Variants in NCKAP5 observed in about 807,000 individuals in gnomAD.
The protein encoded by NCKAP5 is NCK associated protein 5.
A neutral mutation model predicts 167.0 loss-of-function variants in NCKAP5; 92 were observed. That is an observed-to-expected ratio of 0.55 (90% confidence interval 0.47 to 0.66). The LOEUF (loss-of-function observed/expected upper bound fraction) is 0.66. Ranked by LOEUF, NCKAP5 falls within the 30% of genes least tolerant of loss-of-function variation. The pLI, the probability that NCKAP5 is intolerant of heterozygous loss-of-function variation, is 0.00. For missense variants in NCKAP5, 2,378 were observed against 2,315.0 expected, an observed-to-expected ratio of 1.03 and a Z score of -0.56; for synonymous variants, 891 against 877.4, an observed-to-expected ratio of 1.02 and a Z score of -0.27.
chr2:133,511,882 T>C (rs966304293), intron 3 of NCKAP5, among the ~76,000 whole-genome samples: 1 of 152,192 alleles, frequency 6.6e-6, no homozygotes, highest in African/African-American at 2.4e-5. Flanking sequence ...AGGTTCCCAG[T>C]GGCCAGGGGC....
chr2:133,256,544 A>G (rs1012891181), intron 4 of NCKAP5, among the ~76,000 whole-genome samples: 3 of 152,222 alleles, frequency 2.0e-5, no homozygotes, highest in Admixed American at 1.3e-4. Context: ...ACATATTAAA[A>G]AGCAAGGTCA....
At chr2:133,657,540 G>A in the NCKAP5 span, among the ~76,000 whole-genome samples, 1 of 152,094 alleles carries the variant, frequency 6.6e-6, no homozygotes, top group Non-Finnish European at 1.5e-5. Flanking sequence ...GACTAATGGT[G>A]GACATCTACT....
chr2:133,060,798 G>A (rs558968129), intron 6 of NCKAP5, among the ~76,000 whole-genome samples: 4 of 152,254 alleles, frequency 2.6e-5, no homozygotes, highest in African/African-American at 9.6e-5. Context: ...GATTTATGAG[G>A]AGGCAGCATA....
In NCKAP5 at chr2:133,028,983, T is replaced by C. The variant is rs962610681; in HGVS notation, c.342-34744A>G. On this transcript the variant is annotated intron_variant, in intron 6 of 19. Coordinates refer to ENST00000409261, the MANE Select transcript of NCKAP5 (RefSeq NM_207363.3). ...CCTGCTCCCCCTTTGCCTTCCGCCA[T>C]GATTGGAAGCTTCCTGAGGCCTCCC... Among the ~76,000 whole-genome samples the C allele has an allele frequency of 2.6e-5, 4 of 152,326 alleles. 1 individual carries two copies. The South Asian group carries it at 8.3e-4, about 32-fold the overall frequency.
At chr2:133,626,962 G>C in the NCKAP5 span, among the ~76,000 whole-genome samples, 4 of 151,868 alleles carry the variant, frequency 2.6e-5, no homozygotes, top group South Asian at 4.2e-4. Context: ...GAACAAAATA[G>C]TTAAATGTTT....
intron 3 of NCKAP5, among the ~76,000 whole-genome samples, chr2:133,474,818 T>C (rs1679738163): frequency 6.6e-6 from 1 of 152,004 alleles, no homozygotes; most frequent in Non-Finnish European, 1.5e-5. Context: ...TTTGTTGTTG[T>C]TGTTGTTTTT....
chr2:133,502,814 A>G (rs1682646150), intron 3 of NCKAP5, among the ~76,000 whole-genome samples: 1 of 152,244 alleles, frequency 6.6e-6, no homozygotes. Context: ...GAGGCGTTCA[A>G]TGAACGTGTG....
rs140184568 is a variant in NCKAP5 at position 133,138,736 on chromosome 2, G to T, written c.208-8625C>A. Among the ~76,000 whole-genome samples the T allele has an allele frequency of 2.0e-5, 3 of 152,286 alleles. No individual in the cohort carries two copies. In the East Asian group the frequency reaches 5.8e-4, roughly 29 times the overall value. ...ATATAAGTTGGATTCTCTCATACCA[G>T]AAGAAGGGCTCAGTCATCCTTGGCA... On this transcript the variant is annotated intron_variant, in intron 5 of 19. Transcript: ENST00000409261.
chr2:133,033,554 C>T (rs534337839), intron 6 of NCKAP5, among the ~76,000 whole-genome samples: 20 of 152,042 alleles, frequency 1.3e-4, no homozygotes, highest in East Asian at 1.9e-4. Flanking sequence ...CAGAGAGATG[C>T]GATCTTTCAG....
intron 7 of NCKAP5, among the ~76,000 whole-genome samples, chr2:132,979,995 T>C (rs943598687): frequency 5.6e-4 from 81 of 145,822 alleles, no homozygotes; most frequent in African/African-American, 2.0e-3. Flanking sequence ...TTTTTCTTTT[T>C]CTTTTTTTTT....
intron 6 of NCKAP5, among the ~76,000 whole-genome samples, chr2:133,111,459 G>A (rs757973572): frequency 6.6e-6 from 1 of 152,146 alleles, no homozygotes; most frequent in Non-Finnish European, 1.5e-5. Context: ...CACATCATTT[G>A]GGGTGAATGA....
intron 16 of NCKAP5, among the ~76,000 whole-genome samples, chr2:132,757,260 G>C (rs377394575): frequency 2.0e-5 from 3 of 152,098 alleles, no homozygotes; most frequent in Non-Finnish European, 4.4e-5. Flanking sequence ...ACATTCTATC[G>C]ATGGGCTGAT....
intron 6 of NCKAP5, among the ~76,000 whole-genome samples, chr2:133,032,838 AG>A (rs1455803525): frequency 3.3e-5 from 5 of 152,154 alleles, no homozygotes; most frequent in Non-Finnish European, 7.4e-5. Flanking sequence ...AGAAAGGCAA[AG>A]GGGAAGCAAG....
At chr2:133,586,171 A>C in the NCKAP5 span, among the ~76,000 whole-genome samples, 3 of 152,228 alleles carry the variant, frequency 2.0e-5, no homozygotes, top group Non-Finnish European at 4.4e-5. Flanking sequence ...GTAGAATCTC[A>C]TTCAATACTT....
intron 8 of NCKAP5, among the ~76,000 whole-genome samples, chr2:132,881,911 A>G (rs1574504727): frequency 9.6e-6 from 1 of 103,926 alleles, no homozygotes; most frequent in Non-Finnish European, 2.4e-5. Context: ...ATGATTTTTA[A>G]CCAAATCATT....
At position 132,971,254 on chromosome 2, in the gene NCKAP5, T is replaced by A. The variant is rs111997750; in HGVS notation, c.430-7385A>T. On this transcript the variant is annotated intron_variant, in intron 7 of 19. Transcript: ENST00000409261. ...ATAATAGAGCGATATAAATGAGAGG[T>A]TGGGAGAGGTTTCCCAGAATGAGGT... is the stretch of plus-strand genomic sequence containing the variant. Among the ~76,000 whole-genome samples, 3 of 151,926 alleles carry A rather than the reference T, an allele frequency of 2.0e-5. No individual in the cohort carries two copies. The South Asian group carries it at 6.2e-4, about 32-fold the overall frequency.
intron 11 of NCKAP5, among the ~76,000 whole-genome samples, chr2:132,802,421 GC>G (rs1685114426): frequency 6.6e-6 from 1 of 152,184 alleles, no homozygotes; most frequent in African/African-American, 2.4e-5. Flanking sequence ...CTTCTAGAAA[GC>G]TTCCTAGAGC....
chr2:133,300,988 GACAA>G (rs1408493844), intron 4 of NCKAP5, among the ~76,000 whole-genome samples: 3 of 97,392 alleles, frequency 3.1e-5, no homozygotes, highest in Non-Finnish European at 5.9e-5. Context: ...ACCAACAACA[GACAA>G]ACAGAGAGCC....
At chr2:132,749,313 C>T (rs1679909415) in intron 16 of NCKAP5, among the ~76,000 whole-genome samples, 1 of 152,124 alleles carries the variant, frequency 6.6e-6, no homozygotes, top group African/African-American at 2.4e-5. Flanking sequence ...AAGCCATCCT[C>T]CCACGTCAGC....
Sources: gnomAD v4.1 joint callset for allele counts (sites outside exome capture counted in the v4.1 genomes callset) on GRCh38, gnomAD v4.1.1 for gene constraint, MANE v1.5 for transcripts, NCBI Gene and HGNC (gene_info 2026-07-23, HGNC 2026-07-21) for gene names.